The following CALN1 variants were observed in gnomAD, a reference collection of about 807,000 sequenced individuals.
CALN1 encodes calcium-binding protein 8.
A neutral mutation model predicts 30.6 loss-of-function variants in CALN1; 17 were observed. That is an observed-to-expected ratio of 0.56 (90% confidence interval 0.38 to 0.83). CALN1 has a LOEUF of 0.83. CALN1 is among the 40% of genes least tolerant of loss of function. The pLI is 0.00. For missense variants in CALN1, 291 were observed against 354.9 expected (o/e 0.82, Z 1.45); for synonymous variants, 156 against 131.4 (o/e 1.19, Z -1.28).
intron 1 of CALN1, among the ~76,000 whole-genome samples, chr7:72,407,284 A>C (rs1806764681): frequency 6.6e-6 from 1 of 152,120 alleles, no homozygotes; most frequent in South Asian, 2.1e-4. Context: ...CCTACCTTTT[A>C]AAGTTATTGT....
chr7:72,022,772 G>C (rs1196284420), intron 5 of CALN1, among the ~76,000 whole-genome samples: 1 of 152,086 alleles, frequency 6.6e-6, no homozygotes, highest in Non-Finnish European at 1.5e-5. Context: ...ATAGATTATA[G>C]CATATGTAAG....
intron 5 of CALN1, among the ~76,000 whole-genome samples, chr7:71,960,039 G>A (rs6971765): frequency 6.6e-6 from 1 of 151,072 alleles, no homozygotes. Context: ...GAGACTGAGG[G>A]AGGAGAATCA....
chr7:72,133,505 G>GGTTACACAT (rs1809303650), intron 3 of CALN1, among the ~76,000 whole-genome samples: 1 of 152,180 alleles, frequency 6.6e-6, no homozygotes, highest in African/African-American at 2.4e-5. Flanking sequence ...ATTATCATAT[G>GGTTACACAT]GTTACACATG....
intron 2 of CALN1, among the ~76,000 whole-genome samples, chr7:72,402,111 C>G (rs558849288): frequency 6.6e-6 from 1 of 152,296 alleles, no homozygotes; most frequent in Admixed American, 6.5e-5. Context: ...TTGTCATTTC[C>G]AGCTTTACAT....
At chr7:71,931,530 G>A (rs1275400792) in intron 5 of CALN1, among the ~76,000 whole-genome samples, 18 of 152,264 alleles carry the variant, frequency 1.2e-4, no homozygotes, top group Non-Finnish European at 2.6e-4. Context: ...GCCTCCCAAA[G>A]TGCTGGAATT....
At chr7:72,084,827 T>A (rs751845298) in intron 4 of CALN1, among the ~76,000 whole-genome samples, 1 of 152,216 alleles carries the variant, frequency 6.6e-6, no homozygotes. Flanking sequence ...CTTGGTTAAC[T>A]GGTCAACTGC....
intron 3 of CALN1, among the ~76,000 whole-genome samples, chr7:72,271,871 G>C (rs1411292298): frequency 6.6e-6 from 1 of 151,652 alleles, no homozygotes; most frequent in Non-Finnish European, 1.5e-5. Context: ...AGACTAGCCT[G>C]GCCAACATGG....
At chr7:72,454,688 C>T in the CALN1 span, among the ~76,000 whole-genome samples, 3 of 152,136 alleles carry the variant, frequency 2.0e-5, no homozygotes, top group Admixed American at 6.6e-5. Flanking sequence ...TTCAGATCAT[C>T]GTCCTACCCC....
At chr7:71,934,644 G>A (rs1304139308) in intron 5 of CALN1, among the ~76,000 whole-genome samples, 2 of 152,180 alleles carry the variant, frequency 1.3e-5, no homozygotes, top group Non-Finnish European at 2.9e-5. Context: ...AGCCATTCAT[G>A]AGGGATCTGT....
rs551567315 is a variant in CALN1 at position 71,784,971 on chromosome 7, A to G, written c.*2804T>C. The G allele has an allele frequency of 3.5e-4, 140 of 397,846 alleles. 2 individuals are homozygous for G. In the South Asian group the frequency reaches 0.017, roughly 48 times the overall value. 24.6% of individuals were successfully genotyped at this position (397,846 alleles called of 1,614,324 possible). Reference sequence around the variant, plus strand: ...GCTGCCTGACAAGGAAGGCTTCCCTATACCCAAGACAAACTGTCCAAGCAA... The same window carrying G: ...GCTGCCTGACAAGGAAGGCTTCCCTGTACCCAAGACAAACTGTCCAAGCAA... On this transcript the variant is annotated 3_prime_UTR_variant, in exon 7 of 7. Coordinates refer to ENST00000395275, the MANE Select transcript of CALN1 (RefSeq NM_031468.4).
chr7:72,251,243 C>A (rs942939071), intron 3 of CALN1, among the ~76,000 whole-genome samples: 3 of 152,172 alleles, frequency 2.0e-5, no homozygotes, highest in African/African-American at 7.2e-5. Flanking sequence ...CAAGGTCCAA[C>A]ACACACTGAA....
chr7:71,976,992 A>G (rs1798131803), intron 5 of CALN1, among the ~76,000 whole-genome samples: 1 of 152,194 alleles, frequency 6.6e-6, no homozygotes, highest in Admixed American at 6.5e-5. Flanking sequence ...AATCCACCCG[A>G]ACCTTTTCTA....
intron 2 of CALN1, among the ~76,000 whole-genome samples, chr7:72,382,668 C>T (rs886538455): frequency 6.6e-6 from 1 of 152,154 alleles, no homozygotes; most frequent in Non-Finnish European, 1.5e-5. Context: ...TTTATGTACA[C>T]ATGTACCCAA....
At chr7:72,110,653 TAAC>T (rs1256480959) in intron 3 of CALN1, among the ~76,000 whole-genome samples, 11 of 138,416 alleles carry the variant, frequency 7.9e-5, no homozygotes, top group African/African-American at 1.1e-4. Context: ...CAAACCTCAC[TAAC>T]TTTTTTTTTT....
intron 3 of CALN1, among the ~76,000 whole-genome samples, chr7:72,264,835 A>T (rs1186341881): frequency 6.6e-6 from 1 of 151,914 alleles, no homozygotes; most frequent in Admixed American, 6.6e-5. Context: ...CCCTCCTCCT[A>T]CCTGCCTCCA....
chr7:72,083,527 C>T (rs376303381), intron 4 of CALN1, among the ~76,000 whole-genome samples: 5 of 151,948 alleles, frequency 3.3e-5, no homozygotes, highest in Admixed American at 2.0e-4. Flanking sequence ...GAGGCTGCAT[C>T]GAGCTATGAT....
intron 2 of CALN1, among the ~76,000 whole-genome samples, chr7:72,386,481 T>C (rs538230453): frequency 5.9e-5 from 9 of 152,366 alleles, no homozygotes; most frequent in East Asian, 5.8e-4. Flanking sequence ...CTGATATTAC[T>C]GTACATGTAA....
At chr7:72,341,069 T>C (rs920031926) in intron 2 of CALN1, among the ~76,000 whole-genome samples, 4 of 152,196 alleles carry the variant, frequency 2.6e-5, no homozygotes, top group Non-Finnish European at 5.9e-5. Flanking sequence ...TTACAGGGGT[T>C]TCCACAATGG....
chr7:72,485,486 G>A, the CALN1 span, among the ~76,000 whole-genome samples: 1 of 152,196 alleles, frequency 6.6e-6, no homozygotes, highest in Admixed American at 6.5e-5. Flanking sequence ...TCATTTTAAA[G>A]TAAGGAATTG....
Sources: gnomAD v4.1 joint callset for allele counts (sites outside exome capture counted in the v4.1 genomes callset) on GRCh38, gnomAD v4.1.1 for gene constraint, MANE v1.5 for transcripts, NCBI Gene and HGNC (gene_info 2026-07-23, HGNC 2026-07-21) for gene names.